CHRM2: variants seen among roughly 807,000 people sequenced by gnomAD.
CHRM2 encodes cholinergic receptor muscarinic 2.
Under a neutral mutation model 25.0 loss-of-function variants are expected in CHRM2, and 8 were observed. The observed-to-expected ratio is 0.32, with a 90% CI of 0.19 to 0.58. The LOEUF (loss-of-function observed/expected upper bound fraction) is 0.58, where lower values mean the gene tolerates loss of function less well. Among genes scored for constraint, CHRM2 ranks in the 20% least tolerant of loss-of-function variants. CHRM2 has a pLI of 0.88. For missense variants in CHRM2, 440 were observed against 567.1 expected (o/e 0.78, Z 2.28); for synonymous variants, 202 against 205.7 (o/e 0.98, Z 0.15).
intron 2 of CHRM2, among the ~76,000 whole-genome samples, chr7:136,976,159 G>C (rs1802092607): frequency 1.3e-5 from 2 of 152,064 alleles, no homozygotes; most frequent in Non-Finnish European, 2.9e-5. Context: ...GGCTAAGCAT[G>C]GAGTATATTT....
intron 2 of CHRM2, among the ~76,000 whole-genome samples, chr7:136,904,679 ATACT>A (rs912690957): frequency 4.0e-5 from 6 of 151,688 alleles, no homozygotes; most frequent in Non-Finnish European, 7.4e-5. Context: ...TAAAATTTTG[ATACT>A]TCTTCTTTAA....
intron 2 of CHRM2, among the ~76,000 whole-genome samples, chr7:136,936,440 A>G (rs1360475695): frequency 6.6e-6 from 1 of 152,186 alleles, no homozygotes; most frequent in African/African-American, 2.4e-5. Context: ...GGTAGAATAG[A>G]TGACTAATAG....
At chr7:136,870,597 C>G (rs558354501) in intron 2 of CHRM2, 3 of 152,718 alleles carry the variant, frequency 2.0e-5, no homozygotes, top group African/African-American at 7.2e-5. Flanking sequence ...ACCCGCCAGT[C>G]CCTGGCGATG....
intron 2 of CHRM2, among the ~76,000 whole-genome samples, chr7:136,925,210 T>G (rs1172107380): frequency 6.6e-6 from 1 of 152,170 alleles, no homozygotes; most frequent in Non-Finnish European, 1.5e-5. Flanking sequence ...TCCCCATTTC[T>G]ACTAATGAAG....
intron 2 of CHRM2, among the ~76,000 whole-genome samples, chr7:136,968,854 A>T: frequency 6.6e-6 from 1 of 151,658 alleles, no homozygotes; most frequent in Non-Finnish European, 1.5e-5. Flanking sequence ...CAGGCACAAA[A>T]ACACAAACAC....
intron 2 of CHRM2, among the ~76,000 whole-genome samples, chr7:136,910,263 T>G (rs1797770335): frequency 6.6e-6 from 1 of 151,964 alleles, no homozygotes; most frequent in Non-Finnish European, 1.5e-5. Context: ...TGATATTAAT[T>G]ACCTACTATT....
At chr7:136,975,800 T>G (rs1802067465) in intron 2 of CHRM2, among the ~76,000 whole-genome samples, 1 of 152,204 alleles carries the variant, frequency 6.6e-6, no homozygotes, top group African/African-American at 2.4e-5. Flanking sequence ...AGCCAACTGA[T>G]GTAAACCAAA....
intron 2 of CHRM2, chr7:136,899,362 A>T (rs1240382671): frequency 6.6e-6 from 1 of 152,110 alleles, no homozygotes; most frequent in African/African-American, 2.4e-5. Flanking sequence ...ATGCTCATCC[A>T]AGTAAAAATG....
At chr7:136,880,152 C>T (rs1422254124) in intron 2 of CHRM2, among the ~76,000 whole-genome samples, 1 of 151,194 alleles carries the variant, frequency 6.6e-6, no homozygotes, top group Non-Finnish European at 1.5e-5. Flanking sequence ...GGTTTAATTC[C>T]GTTATTTGAG....
At chr7:136,913,887 A>G (rs1797972773) in intron 2 of CHRM2, among the ~76,000 whole-genome samples, 1 of 151,840 alleles carries the variant, frequency 6.6e-6, no homozygotes, top group Admixed American at 6.6e-5. Flanking sequence ...ATTTCTCAAA[A>G]CTCATTTTCA....
intron 2 of CHRM2, among the ~76,000 whole-genome samples, chr7:136,989,259 T>C (rs1655968135): frequency 1.3e-5 from 2 of 152,282 alleles, no homozygotes; most frequent in Middle Eastern, 6.8e-3. Flanking sequence ...TGCATCTTTC[T>C]TTCATATATC....
chr7:136,976,652 C>T (rs1366540991), intron 2 of CHRM2, among the ~76,000 whole-genome samples: 1 of 152,134 alleles, frequency 6.6e-6, no homozygotes, highest in African/African-American at 2.4e-5. Flanking sequence ...AGCCTATTCT[C>T]GTGCATCAGG....
chr7:136,885,765 A>G (rs1796438515), intron 2 of CHRM2, among the ~76,000 whole-genome samples: 1 of 152,228 alleles, frequency 6.6e-6, no homozygotes, highest in African/African-American at 2.4e-5. Flanking sequence ...AACTCCTTGA[A>G]TCACAGGGAA....
In CHRM2 at chr7:136,959,804, G is replaced by A. The variant is rs554875332; in HGVS notation, c.-124-32383G>A. ...TGCATGCCTGTAATCCCAGCTACTCGGGAGGCTAAGGCAGGAGAATCGCTT... is the reference window on the plus strand; with the variant it reads ...TGCATGCCTGTAATCCCAGCTACTCAGGAGGCTAAGGCAGGAGAATCGCTT... On this transcript the variant is annotated intron_variant, in intron 2 of 3. Transcript: ENST00000680005. Among the ~76,000 whole-genome samples the A allele has an allele frequency of 3.9e-5, 6 of 152,180 alleles. No homozygotes were observed. In the East Asian group the frequency reaches 5.8e-4, roughly 15 times the overall value.
intron 2 of CHRM2, among the ~76,000 whole-genome samples, chr7:136,906,148 GTATACATA>G (rs2130652706): frequency 6.7e-6 from 1 of 149,344 alleles, no homozygotes; most frequent in South Asian, 2.1e-4. Context: ...GTGTATATAT[GTATACATA>G]TATACATATA....
At chr7:136,922,490 T>A (rs1403256882) in intron 2 of CHRM2, among the ~76,000 whole-genome samples, 1 of 152,190 alleles carries the variant, frequency 6.6e-6, no homozygotes, top group East Asian at 1.9e-4. Flanking sequence ...ACATTCAACA[T>A]CCTCTGGGAT....
intron 2 of CHRM2, among the ~76,000 whole-genome samples, chr7:136,875,125 A>G (rs555087205): frequency 1.8e-3 from 266 of 150,384 alleles, no homozygotes; most frequent in African/African-American, 6.3e-3. Context: ...ACACATATAT[A>G]CATATATATA....
At chr7:136,973,933 A>T (rs1157261620) in intron 2 of CHRM2, among the ~76,000 whole-genome samples, 1 of 152,194 alleles carries the variant, frequency 6.6e-6, no homozygotes, top group Non-Finnish European at 1.5e-5. Context: ...AGTAATTTAC[A>T]GACAGAATTA....
Position 137,015,374 on chromosome 7 carries a change from C to T in CHRM2, c.509C>T (p.Thr170Ile). 6.2e-7 allele frequency: 1 copy of T among 1,613,478 alleles called. No homozygotes were observed. Among genetic ancestry groups the T allele is most frequent in the Non-Finnish European group, 8.5e-7 (1 of 1,179,640 alleles). Residue 170 changes from threonine to isoleucine, a missense_variant, in exon 4 of 4, where the codon ACT (threonine) becomes ATT (isoleucine). Coordinates refer to ENST00000680005, the MANE Select transcript of CHRM2 (RefSeq NM_001006630.2). This position sits in a 1 kb window ranked among gnomAD's most constrained non-coding sequence, Gnocchi z 5.1. ...TGGCAGTTCATTGTAGGGGTGAGAA[C>T]TGTGGAGGATGGGGAGTGCTACATT... ...LFWQFIVGVR[T>I]VEDGECYIQF...
Sources: allele counts gnomAD v4.1 joint callset (sites outside exome capture counted in the v4.1 genomes callset), GRCh38; gene constraint gnomAD v4.1.1; non-coding constraint Gnocchi (gnomAD v3.1); transcripts MANE v1.5; gene names NCBI Gene and HGNC (gene_info 2026-07-23, HGNC 2026-07-21).